Variants in GPAT4 observed in about 807,000 individuals in gnomAD.
GPAT4 encodes the protein glycerol-3-phosphate acyltransferase 4.
Under a neutral mutation model 58.0 loss-of-function variants are expected in GPAT4, and 17 were observed. That is an observed-to-expected ratio of 0.29 (90% confidence interval 0.20 to 0.44). GPAT4 has a LOEUF of 0.44. Among genes scored for constraint, GPAT4 ranks in the 20% least tolerant of loss-of-function variants. The pLI, the probability that GPAT4 is intolerant of heterozygous loss-of-function variation, is 1.00. For missense variants in GPAT4, 377 were observed against 574.5 expected (o/e 0.66, Z 3.51); for synonymous variants, 204 against 210.1 (o/e 0.97, Z 0.25).
At chr8:41,586,986 C>T (rs554561528) in intron 1 of GPAT4, among the ~76,000 whole-genome samples, 12 of 152,198 alleles carry the variant, frequency 7.9e-5, no homozygotes, top group Non-Finnish European at 1.2e-4. Context: ...GGTGGAGAAC[C>T]AGTGCAGCCT....
At position 41,599,181 on chromosome 8, in the gene GPAT4, T is replaced by G; in HGVS notation, c.42T>G (p.Leu14=). ...LLPFDSLIVN[L]LGISLTVLFT... is the part of the protein sequence containing the mutation. ...CTTTTGATAGCCTGATTGTCAACCT[T>G]CTGGGCATCTCCCTGACTGTCCTCT... is the stretch of plus-strand genomic sequence containing the variant. The change falls in exon 2 of 13, where the codon CTT becomes CTG. Residue 14 remains leucine, a synonymous_variant. Transcript: ENST00000396987. 2 of 1,613,652 alleles carry G rather than the reference T, an allele frequency of 1.2e-6. No individual in the cohort carries two copies. Among genetic ancestry groups the G allele is most frequent in the Non-Finnish European group, 1.7e-6 (2 of 1,179,884 alleles).
At chr8:41,616,301 A>G (rs1305474699) in intron 10 of GPAT4, among the ~76,000 whole-genome samples, 1 of 152,094 alleles carries the variant, frequency 6.6e-6, no homozygotes, top group Non-Finnish European at 1.5e-5. Context: ...TGAACTTCCT[A>G]TTCTTTTTCT....
Position 41,611,964 on chromosome 8 carries a change from C to T in GPAT4, c.673C>T (p.Leu225=), listed in dbSNP as rs769714843. The T allele has an allele frequency of 3.7e-6, 6 of 1,614,184 alleles. No homozygotes were observed. In the South Asian group the frequency reaches 6.6e-5, roughly 18 times the overall value. Residue 225 remains leucine, a synonymous_variant, in exon 6 of 13, where the codon CTG becomes TTG. Transcript: ENST00000396987. ...LMCYRICVRA[L]TAIITYHDRE... ...GTGTTACCGGATCTGCGTGCGAGCG[C>T]TGACAGCCATCATCACCTACCATGA... is the stretch of plus-strand genomic sequence containing the variant.
chr8:41,594,531 C>T (rs1802870231), intron 1 of GPAT4, among the ~76,000 whole-genome samples: 1 of 149,798 alleles, frequency 6.7e-6, no homozygotes, highest in Non-Finnish European at 1.5e-5. Flanking sequence ...TCTCAACTTT[C>T]TGACTTATTA....
intron 2 of GPAT4, among the ~76,000 whole-genome samples, chr8:41,603,724 T>C (rs1367639300): frequency 6.6e-6 from 1 of 152,058 alleles, no homozygotes; most frequent in East Asian, 1.9e-4. Flanking sequence ...GTAGGGCTTC[T>C]ATCTGGCCCG....
intron 12 of GPAT4, 31 bp from the exon 13 acceptor site, chr8:41,620,862 C>G: frequency 6.5e-7 from 1 of 1,549,740 alleles, no homozygotes; most frequent in South Asian, 1.2e-5. Context: ...GCCCTCTTGG[C>G]TGTTACTACA....
Position 41,621,530 on chromosome 8 carries a change from A to G in GPAT4, c.*529A>G, listed in dbSNP as rs1803751469. 1 of 153,834 alleles carries G rather than the reference A, an allele frequency of 6.5e-6. No individual in the cohort carries two copies. Among genetic ancestry groups the G allele is most frequent in the Admixed American group, 6.4e-5 (1 of 15,512 alleles). 9.5% of individuals were successfully genotyped at this position (153,834 alleles called of 1,614,324 possible). ...GAAACTGTCATCTGCAGGGGCTTTC[A>G]GCAAAATGAAGGGTTAGATTTTTAT... On this transcript the variant is annotated 3_prime_UTR_variant, in exon 13 of 13. Coordinates refer to ENST00000396987, the MANE Select transcript of GPAT4 (RefSeq NM_178819.4).
chr8:41,605,639 A>G (rs1330915001), intron 2 of GPAT4, among the ~76,000 whole-genome samples: 10 of 152,228 alleles, frequency 6.6e-5, no homozygotes, highest in South Asian at 2.1e-4. Flanking sequence ...CAGTGGCGCA[A>G]TCTTGGCTCA....
intron 10 of GPAT4, among the ~76,000 whole-genome samples, chr8:41,616,260 G>A (rs975508521): frequency 6.6e-6 from 1 of 152,200 alleles, no homozygotes; most frequent in Non-Finnish European, 1.5e-5. Context: ...TTGTTTAAAT[G>A]CAGATTGCTG....
Position 41,621,088 on chromosome 8 carries a change from C to G in GPAT4, c.*87C>G. 2.0e-6 allele frequency: 3 copies of G among 1,515,236 alleles called. No homozygotes were observed. Among genetic ancestry groups the G allele is most frequent in the Non-Finnish European group, 2.7e-6 (3 of 1,123,756 alleles). The allele number at this position is 1,515,236 out of a possible 1,614,324, so 93.9% of individuals were successfully genotyped here. A position where few individuals can be genotyped will look rare whatever the true frequency, so the allele number is the denominator to read the frequency against. On this transcript the variant is annotated 3_prime_UTR_variant, in exon 13 of 13. Transcript: ENST00000396987. ...CCGCCGCCGCCCCCACTGCTGTGTC[C>G]TTTCCAGACTCCAGGGCTCCCCGGG...
intron 1 of GPAT4, among the ~76,000 whole-genome samples, chr8:41,585,518 C>G (rs1421183886): frequency 2.0e-5 from 3 of 152,172 alleles, no homozygotes; most frequent in Non-Finnish European, 4.4e-5. Context: ...TTGCCTCCAG[C>G]TTTATGGTGA....
chr8:41,590,837 CCT>C (rs1802771196), intron 1 of GPAT4, among the ~76,000 whole-genome samples: 1 of 152,172 alleles, frequency 6.6e-6, no homozygotes, highest in African/African-American at 2.4e-5. Flanking sequence ...TCTGCAGCTA[CCT>C]CTCTCAGCTT....
chr8:41,610,592 T>A, intron 4 of GPAT4, 144 bp from the exon 5 acceptor site: 1 of 1,530,998 alleles, frequency 6.5e-7, no homozygotes, highest in Non-Finnish European at 8.8e-7. Context: ...CCTGCTTACA[T>A]TTCTAGGTGA....
intron 1 of GPAT4, among the ~76,000 whole-genome samples, chr8:41,588,156 T>TTCATTGAGATCTAACATGTGACAG (rs1802702239): frequency 6.6e-6 from 1 of 152,218 alleles, no homozygotes; most frequent in Non-Finnish European, 1.5e-5. Flanking sequence ...ATATATACCA[T>TTCATTGAGATCTAACATGTGACAG]TCATTGAGAT....
At chr8:41,612,389 C>T in intron 7 of GPAT4, 116 bp downstream of exon 7, 1 of 986,704 alleles carries the variant, frequency 1.0e-6, no homozygotes, top group Non-Finnish European at 1.5e-6. Context: ...CAGGCCCCCA[C>T]CTTACTGTCA....
intron 1 of GPAT4, among the ~76,000 whole-genome samples, chr8:41,581,625 C>CCT (rs1563265939): frequency 7.2e-5 from 8 of 110,558 alleles, no homozygotes; most frequent in Non-Finnish European, 1.3e-4. Flanking sequence ...CCTTTGTTGA[C>CCT]TTTTTTTTTT....
intron 1 of GPAT4, among the ~76,000 whole-genome samples, chr8:41,589,246 C>G (rs567022911): frequency 5.9e-5 from 9 of 152,192 alleles, no homozygotes; most frequent in African/African-American, 1.9e-4. Context: ...TCCTCTACTT[C>G]TAAGAATTTG....
At chr8:41,619,221 T>C (rs1229135487) in intron 12 of GPAT4, 7 of 566,228 alleles carry the variant, frequency 1.2e-5, no homozygotes, top group Non-Finnish European at 2.2e-5. Context: ...TTTGAACCAG[T>C]CTTCCAGGAC....
intron 12 of GPAT4, 89 bp from the exon 13 acceptor site, chr8:41,620,804 G>C: frequency 6.6e-7 from 1 of 1,516,558 alleles, no homozygotes; most frequent in Non-Finnish European, 8.9e-7. Flanking sequence ...GTTTTTCTTG[G>C]TGTTTGGGCA....
Sources: gnomAD v4.1 joint callset for allele counts (sites outside exome capture counted in the v4.1 genomes callset) on GRCh38, gnomAD v4.1.1 for gene constraint, MANE v1.5 for transcripts, NCBI Gene and HGNC (gene_info 2026-07-23, HGNC 2026-07-21) for gene names.